HIPK2: variants seen among roughly 807,000 people sequenced by gnomAD.
HIPK2 encodes homeodomain interacting protein kinase 2, also known as homeodomain-interacting protein kinase 2.
A neutral mutation model predicts 113.7 loss-of-function variants in HIPK2; 27 were observed. The ratio of observed to expected loss-of-function variants is 0.24; its 90% CI spans 0.17 to 0.33. The LOEUF is 0.33. HIPK2 is among the 10% of genes least tolerant of loss of function. The pLI is 1.00. For synonymous variants in HIPK2, 631 were observed against 642.2 expected, an observed-to-expected ratio of 0.98 and a Z score of 0.26; for missense variants, 1,257 against 1,588.0, an observed-to-expected ratio of 0.79 and a Z score of 3.54.
intron 2 of HIPK2, among the ~76,000 whole-genome samples, chr7:139,708,019 C>T (rs1392035616): frequency 6.6e-6 from 1 of 152,056 alleles, no homozygotes; most frequent in East Asian, 1.9e-4. Flanking sequence ...CATAAAGGGT[C>T]TGACCACAAG....
chr7:139,615,114 C>A (rs543768037), intron 7 of HIPK2, among the ~76,000 whole-genome samples: 14 of 152,320 alleles, frequency 9.2e-5, no homozygotes, highest in Admixed American at 8.5e-4. Context: ...CAGGGGGAGG[C>A]TCTTGCAGGC....
At chr7:139,709,970 G>C (rs1435580617) in intron 2 of HIPK2, among the ~76,000 whole-genome samples, 1 of 152,148 alleles carries the variant, frequency 6.6e-6, no homozygotes, top group African/African-American at 2.4e-5. Context: ...CATACTATCG[G>C]GGGGTAGAAC....
Position 139,568,034 on chromosome 7 carries a change from T to C in HIPK2, c.*4893A>G, listed in dbSNP as rs1638195. On this transcript the variant is annotated 3_prime_UTR_variant, in exon 15 of 15. Coordinates refer to ENST00000406875, the MANE Select transcript of HIPK2 (RefSeq NM_022740.5). ...AAAGTTTGTTCCACTCACTCACACA[T>C]GCTCACACGGCCTAAATCTTCCACC... 0.74 allele frequency: 112,757 copies of C among 152,336 alleles called. 42,350 individuals are homozygous for C. The highest frequency in any genetic ancestry group is 0.91 in the East Asian group (4,735 of 5,178). 9.4% of individuals were successfully genotyped at this position (152,336 alleles called of 1,614,324 possible).
intron 2 of HIPK2, among the ~76,000 whole-genome samples, chr7:139,701,972 C>T (rs1462621789): frequency 6.6e-6 from 1 of 152,116 alleles, no homozygotes; most frequent in Non-Finnish European, 1.5e-5. Flanking sequence ...CCCAGTAGGA[C>T]TTCGAATCCC....
At chr7:139,746,162 A>C (rs1403241731) in intron 1 of HIPK2, among the ~76,000 whole-genome samples, 1 of 152,154 alleles carries the variant, frequency 6.6e-6, no homozygotes, top group Non-Finnish European at 1.5e-5. Context: ...ACTACAGTCA[A>C]ATAATTACAT....
At chr7:139,598,312 A>T (rs1029638300) in intron 11 of HIPK2, among the ~76,000 whole-genome samples, 4 of 152,234 alleles carry the variant, frequency 2.6e-5, no homozygotes, top group Admixed American at 2.6e-4. Context: ...AAATAATTCA[A>T]TAAAGGTGGA....
At chr7:139,700,483 G>C (rs1219627167) in intron 2 of HIPK2, among the ~76,000 whole-genome samples, 1 of 152,188 alleles carries the variant, frequency 6.6e-6, no homozygotes, top group Non-Finnish European at 1.5e-5. Flanking sequence ...GCAACGACCT[G>C]CTTCAATACA....
chr7:139,679,286 C>A (rs1049764995), intron 2 of HIPK2, among the ~76,000 whole-genome samples: 1 of 152,158 alleles, frequency 6.6e-6, no homozygotes, highest in Non-Finnish European at 1.5e-5. Flanking sequence ...GGGCCTTAAA[C>A]CCATTCACCA....
Position 139,643,381 on chromosome 7 carries a change from TACACAC to T in HIPK2, c.1104-11662_1104-11657del, listed in dbSNP as rs61058916. On this transcript the variant is annotated intron_variant, in intron 2 of 14. Coordinates refer to ENST00000406875, the MANE Select transcript of HIPK2 (RefSeq NM_022740.5). ...ATCTTGGCTCTGAATATGTACTAAATACACACACACACACACACACACACACACATT... is the reference window on the plus strand; with the variant it reads ...ATCTTGGCTCTGAATATGTACTAAATACACACACACACACACACACACATT... Among the ~76,000 whole-genome samples, 1,327 of 148,324 alleles carry T rather than the reference TACACAC, an allele frequency of 8.9e-3. 11 individuals are homozygous for T. Among genetic ancestry groups the T allele is most frequent in the Non-Finnish European group, 0.011 (728 of 66,788 alleles).
chr7:139,662,612 C>T (rs995085866), intron 2 of HIPK2, among the ~76,000 whole-genome samples: 2 of 146,828 alleles, frequency 1.4e-5, no homozygotes, highest in Non-Finnish European at 3.0e-5. Context: ...TTTCCTAAAA[C>T]ACCACTTTTT....
chr7:139,671,654 A>C (rs1802307009), intron 2 of HIPK2, among the ~76,000 whole-genome samples: 1 of 151,994 alleles, frequency 6.6e-6, no homozygotes, highest in Admixed American at 6.6e-5. Context: ...TGGTTCAAGC[A>C]ATTCTCCTGC....
intron 2 of HIPK2, among the ~76,000 whole-genome samples, chr7:139,653,109 C>T (rs993352131): frequency 1.3e-4 from 18 of 136,164 alleles, no homozygotes; most frequent in African/African-American, 4.5e-4. Flanking sequence ...ACTGCTACTC[C>T]AGCCTGGGTG....
intron 2 of HIPK2, among the ~76,000 whole-genome samples, chr7:139,659,833 G>A (rs898761617): frequency 6.6e-6 from 1 of 152,122 alleles, no homozygotes; most frequent in Non-Finnish European, 1.5e-5. Context: ...AGTTCTCCCT[G>A]ATCCCTCTAC....
chr7:139,637,780 G>C (rs115623210), intron 2 of HIPK2, among the ~76,000 whole-genome samples: 1 of 152,202 alleles, frequency 6.6e-6, no homozygotes, highest in Non-Finnish European at 1.5e-5. Context: ...CTAAGGCAGT[G>C]CAGATAAAAG....
chr7:139,752,257 T>G (rs1796290517), intron 1 of HIPK2, among the ~76,000 whole-genome samples: 1 of 152,216 alleles, frequency 6.6e-6, no homozygotes, highest in Non-Finnish European at 1.5e-5. Flanking sequence ...GGGACTGAAG[T>G]CCAAGCTGTT....
chr7:139,588,044 G>A (rs1798895371), intron 12 of HIPK2, among the ~76,000 whole-genome samples: 1 of 152,004 alleles, frequency 6.6e-6, no homozygotes, highest in South Asian at 2.1e-4. Context: ...TCTGCTGGGT[G>A]CAGTGGCTCA....
intron 13 of HIPK2, among the ~76,000 whole-genome samples, chr7:139,580,328 C>T (rs1056600173): frequency 6.6e-6 from 1 of 152,176 alleles, no homozygotes; most frequent in African/African-American, 2.4e-5. Context: ...CCTGATGCTA[C>T]CATCATCATG....
intron 2 of HIPK2, among the ~76,000 whole-genome samples, chr7:139,705,092 C>G (rs1794850611): frequency 6.6e-6 from 1 of 152,194 alleles, no homozygotes; most frequent in South Asian, 2.1e-4. Context: ...ATATACGATG[C>G]TGGGCCTCCA....
intron 2 of HIPK2, among the ~76,000 whole-genome samples, chr7:139,690,252 G>A (rs990152017): frequency 2.0e-5 from 3 of 152,106 alleles, no homozygotes; most frequent in Non-Finnish European, 2.9e-5. Context: ...TAGAGCATCG[G>A]TCCCTATTTA....
Sources: gnomAD v4.1 joint callset for allele counts (sites outside exome capture counted in the v4.1 genomes callset) on GRCh38, gnomAD v4.1.1 for gene constraint, MANE v1.5 for transcripts, NCBI Gene and HGNC (gene_info 2026-07-23, HGNC 2026-07-21) for gene names.